POLR3E: variants seen among roughly 807,000 people sequenced by gnomAD.
POLR3E encodes DNA-directed RNA polymerase III subunit RPC5.
A neutral mutation model predicts 96.6 loss-of-function variants in POLR3E; 41 were observed. That is an observed-to-expected ratio of 0.42 (90% confidence interval 0.33 to 0.55). The LOEUF (loss-of-function observed/expected upper bound fraction) is 0.55, where lower values mean the gene tolerates loss of function less well. Ranked by LOEUF, POLR3E falls within the 20% of genes least tolerant of loss-of-function variation. POLR3E has a pLI of 0.06. For synonymous variants in POLR3E, 396 were observed against 383.6 expected (o/e 1.03, Z -0.38); for missense variants, 849 against 952.1 (o/e 0.89, Z 1.43).
chr16:22,325,927 G>C lies in POLR3E; in HGVS notation c.1515G>C (p.Glu505Asp). 6.3e-7 allele frequency: 1 copy of C among 1,597,734 alleles called. No homozygotes were observed. Among genetic ancestry groups the C allele is most frequent in the Non-Finnish European group, 8.5e-7 (1 of 1,171,852 alleles). ...VRIKEEPVSE[E>D]GEEDEEQEAE... is the part of the protein sequence containing the mutation. ...TCAAGGAGGAGCCCGTGAGCGAGGA[G>C]GGCGAGGAGGACGAGGAGCAGGAGG... The change falls in exon 18 of 21, where the codon GAG (glutamate) becomes GAC (aspartate). Residue 505 changes from glutamate (E) to aspartate (D), a missense_variant. Transcript: ENST00000299853.
In POLR3E at chr16:22,305,200, A is replaced by G; in HGVS notation, c.81A>G (p.Leu27=). The G allele has an allele frequency of 6.2e-7, 1 of 1,609,844 alleles. No homozygotes were observed. The highest frequency in any genetic ancestry group is 8.5e-7 in the Non-Finnish European group (1 of 1,176,514). ...LAKSLAEKLY[L]FQYPVRPASM... ...AGAGTCTGGCGGAAAAGCTGTATCTATTTCAGGTAATTATGGGACTTGAAG... is the reference window on the plus strand; with the variant it reads ...AGAGTCTGGCGGAAAAGCTGTATCTGTTTCAGGTAATTATGGGACTTGAAG... Residue 27 remains leucine, a synonymous_variant, in exon 3 of 21, where the codon CTA becomes CTG. Coordinates refer to ENST00000299853, the MANE Select transcript of POLR3E (RefSeq NM_018119.4).
rs557943305 is a variant in POLR3E, at chr16:22,306,645, T to C, written c.87+1439T>C. 2.6e-5 allele frequency among the ~76,000 whole-genome samples: 4 copies of C among 152,366 alleles called. No individual in the cohort carries two copies. In the East Asian group the frequency reaches 7.7e-4, roughly 29 times the overall value. On this transcript the variant is annotated intron_variant, in intron 3 of 20. Coordinates refer to ENST00000299853, the MANE Select transcript of POLR3E (RefSeq NM_018119.4). Reference sequence around the variant, plus strand: ...ATCAGCTGATGGGTATTTGGGTTATTTCTACTTTTTGGCTATTATAAATAA... The same window carrying C: ...ATCAGCTGATGGGTATTTGGGTTATCTCTACTTTTTGGCTATTATAAATAA...
chr16:22,310,567 G>C (rs1392948967), intron 6 of POLR3E, among the ~76,000 whole-genome samples: 1 of 150,358 alleles, frequency 6.7e-6, no homozygotes, highest in Non-Finnish European at 1.5e-5. Context: ...GATTACAGGT[G>C]TGAGCCACCA....
Position 22,326,267 on chromosome 16 carries a change from A to C in POLR3E, c.1855A>C (p.Ile619Leu), listed in dbSNP as rs2048591172. Reference sequence around the variant, plus strand: ...GGTGCTGGCCGCCGGTTGCAAGCAGATACTGGTGCCTGTAAGTAGAGCCCT... The same window carrying C: ...GGTGCTGGCCGCCGGTTGCAAGCAGCTACTGGTGCCTGTAAGTAGAGCCCT... ...DTVLAAGCKQ[I>L]LVPFPPQTAA... Residue 619 changes from isoleucine to leucine, a missense_variant, in exon 18 of 21, where the codon ATA becomes CTA. Ile to Leu is a conservative substitution (Grantham distance 5). Coordinates refer to ENST00000299853, the MANE Select transcript of POLR3E (RefSeq NM_018119.4). 7.3e-7 allele frequency: 1 copy of C among 1,363,496 alleles called. No individual in the cohort carries two copies. Among genetic ancestry groups the C allele is most frequent in the African/African-American group, 1.5e-5 (1 of 64,548 alleles). 84.5% of individuals were successfully genotyped at this position (1,363,496 alleles called of 1,614,324 possible). A position where few individuals can be genotyped will look rare whatever the true frequency, so the allele number is the denominator to read the frequency against.
rs369404699 is a variant in POLR3E at position 22,313,770 on chromosome 16, C to T, written c.472+43C>T. ...AGCCCTGCTGCCTGCCTGCCTTCAT[C>T]CTGGTGGGATGGCTTGGTCCTGGGA... On this transcript the variant is annotated intron_variant, in intron 7 of 20. Transcript: ENST00000299853. The surrounding 1 kb of genome is among the most constrained non-coding windows in gnomAD (Gnocchi z 4.1). 1.3e-4 allele frequency: 180 copies of T among 1,348,788 alleles called. No individual in the cohort carries two copies. The highest frequency in any genetic ancestry group is 1.9e-4 in the Non-Finnish European group (175 of 945,478). The allele number at this position is 1,348,788 out of a possible 1,614,324, so 83.6% of individuals were successfully genotyped here. A position where few individuals can be genotyped will look rare whatever the true frequency, so the allele number is the denominator to read the frequency against.
At chr16:22,333,237 G>C (rs2141830827) in intron 20 of POLR3E, among the ~76,000 whole-genome samples, 1 of 151,262 alleles carries the variant, frequency 6.6e-6, no homozygotes, top group South Asian at 2.1e-4. Context: ...TGGGTCACTT[G>C]AGGTCAGGAG....
chr16:22,332,088 C>G lies in POLR3E; in HGVS notation c.1973C>G (p.Ser658Cys). The stretch of plus-strand genomic sequence containing the variant: ...CGACAGGTTTTGCTTGAAATTTTTT[C>G]CAAAAATTACCGGGTACGCCGAAAC... Reference protein sequence around the residue: ...QHRQVLLEIFSKNYRVRRNMI... With the variant: ...QHRQVLLEIFCKNYRVRRNMI... Residue 658 changes from serine (S) to cysteine (C), a missense_variant, in exon 20 of 21, where the codon TCC becomes TGC. By Grantham distance (112) the Ser-to-Cys change is moderately radical (BLOSUM62 -1). Transcript: ENST00000299853. 1.2e-6 allele frequency: 2 copies of G among 1,612,860 alleles called. No homozygotes were observed. The highest frequency in any genetic ancestry group is 1.7e-6 in the Non-Finnish European group (2 of 1,179,356).
chr16:22,314,288 C>T lies in POLR3E; in HGVS notation c.522+160C>T, dbSNP rs115946303. Among the ~76,000 whole-genome samples, 238 of 152,214 alleles carry T rather than the reference C, an allele frequency of 1.6e-3. 1 individual carries two copies. Among genetic ancestry groups the T allele is most frequent in the African/African-American group, 5.6e-3 (232 of 41,544 alleles). On this transcript the variant is annotated intron_variant, in intron 8 of 20. Transcript: ENST00000299853. ...CTGGAGGGAACAACCTGAGTTGTTC[C>T]AGCTATACACAAGATGGAAGCCCTG...
At position 22,315,213 on chromosome 16, in the gene POLR3E, G is replaced by T. The variant is rs1424645500; in HGVS notation, c.642+5G>T. The T allele has an allele frequency of 6.3e-7, 1 of 1,580,506 alleles. No homozygotes were observed. The highest frequency in any genetic ancestry group is 1.8e-5 in the Admixed American group (1 of 54,576). Reference sequence around the variant, plus strand: ...CTGCATTACTATGGCCTGAGGGTGAGCGGGGCTTCGTGGGGTCCTGGGGGA... The same window carrying T: ...CTGCATTACTATGGCCTGAGGGTGATCGGGGCTTCGTGGGGTCCTGGGGGA... On this transcript the variant is annotated splice_donor_5th_base_variant and intron_variant, in intron 9 of 20. Transcript: ENST00000299853.
chr16:22,309,410 C>T lies in POLR3E; in HGVS notation c.282-18C>T, dbSNP rs1300827120. On this transcript the variant is annotated intron_variant, in intron 5 of 20. Coordinates refer to ENST00000299853, the MANE Select transcript of POLR3E (RefSeq NM_018119.4). ...GGAGCTGCCTTCCCCTGTGACGTTG[C>T]TTCTCCCTGTGCTCCAGGAAGCTGA... 8.1e-6 allele frequency: 13 copies of T among 1,599,940 alleles called. No homozygotes were observed. Among genetic ancestry groups the T allele is most frequent in the Non-Finnish European group, 9.4e-6 (11 of 1,167,840 alleles).
intron 1 of POLR3E, chr16:22,302,612 G>A (rs547704695): frequency 4.1e-4 from 115 of 279,100 alleles, no homozygotes; most frequent in African/African-American, 2.5e-3. Context: ...CTATCCTTCT[G>A]TCTGGCAGTG....
chr16:22,319,052 G>A (rs2048417998), intron 13 of POLR3E, 106 bp downstream of exon 13: 2 of 765,324 alleles, frequency 2.6e-6, no homozygotes, highest in Non-Finnish European at 4.0e-6. Flanking sequence ...TCGGCTCACT[G>A]TAACTTCTCC....
At chr16:22,297,566 T>G (rs1054205353) in intron 1 of POLR3E, 29 bp downstream of exon 1, 2 of 152,426 alleles carry the variant, frequency 1.3e-5, no homozygotes, top group Non-Finnish European at 2.9e-5. Flanking sequence ...GTGCCCGAGC[T>G]GGGGCTTGAG....
In POLR3E at chr16:22,308,131, T is replaced by C. The variant is rs764262885; in HGVS notation, c.88-17T>C. The C allele has an allele frequency of 6.2e-7, 1 of 1,605,846 alleles. No individual in the cohort carries two copies. The highest frequency in any genetic ancestry group is 8.5e-7 in the Non-Finnish European group (1 of 1,172,678). ...GGCTGGGCAGAGTGGACTTAATGGCTCCCTTCCCCTCCCCAGTACCCTGTG... is the reference window on the plus strand; with the variant it reads ...GGCTGGGCAGAGTGGACTTAATGGCCCCCTTCCCCTCCCCAGTACCCTGTG... On this transcript the variant is annotated splice_polypyrimidine_tract_variant and intron_variant, in intron 3 of 20. Coordinates refer to ENST00000299853, the MANE Select transcript of POLR3E (RefSeq NM_018119.4).
At chr16:22,304,983 C>T (rs1322077748) in intron 2 of POLR3E, among the ~76,000 whole-genome samples, 173 bp from the exon 3 acceptor site, 1 of 152,124 alleles carries the variant, frequency 6.6e-6, no homozygotes, top group African/African-American at 2.4e-5. Flanking sequence ...CTGAATATAC[C>T]CAGTGTGCAG....
intron 20 of POLR3E, 67 bp downstream of exon 20, chr16:22,332,252 G>T: frequency 2.1e-6 from 3 of 1,426,272 alleles, no homozygotes; most frequent in Non-Finnish European, 2.9e-6. Context: ...TGTGTAGAAG[G>T]GACTCTAGTG....
intron 16 of POLR3E, 102 bp downstream of exon 16, chr16:22,324,762 C>A: frequency 7.6e-7 from 1 of 1,307,314 alleles, no homozygotes; most frequent in Non-Finnish European, 1.1e-6. Context: ...AGAAACCCCA[C>A]ATCTGGGGAG....
chr16:22,315,517 T>C (rs1449458329), intron 9 of POLR3E, among the ~76,000 whole-genome samples: 1 of 152,176 alleles, frequency 6.6e-6, no homozygotes, highest in African/African-American at 2.4e-5. Flanking sequence ...GCCCAGGCCC[T>C]AAACGCAGGC....
intron 1 of POLR3E, among the ~76,000 whole-genome samples, chr16:22,300,756 C>T (rs975924424): frequency 6.6e-6 from 1 of 152,208 alleles, no homozygotes; most frequent in African/African-American, 2.4e-5. Flanking sequence ...AGCTGTTTCC[C>T]TGAAGTTTCT....
Sources: gnomAD v4.1 joint callset for allele counts (sites outside exome capture counted in the v4.1 genomes callset) on GRCh38, gnomAD v4.1.1 for gene constraint, Gnocchi (gnomAD v3.1) non-coding constraint, MANE v1.5 for transcripts, NCBI Gene and HGNC (gene_info 2026-07-23, HGNC 2026-07-21) for gene names.